MAGI2: variants seen among roughly 807,000 people sequenced by gnomAD.
MAGI2 encodes the protein membrane-associated guanylate kinase, WW and PDZ domain-containing protein 2.
A neutral mutation model predicts 133.3 loss-of-function variants in MAGI2; 35 were observed. That is an observed-to-expected ratio of 0.26 (90% CI 0.20 to 0.35). The LOEUF is 0.35. Ranked by LOEUF, MAGI2 falls within the 10% of genes least tolerant of loss-of-function variation. The pLI is 1.00. For synonymous variants in MAGI2, 729 were observed against 710.6 expected, an observed-to-expected ratio of 1.03 and a Z score of -0.41; for missense variants, 1,636 against 1,863.4, an observed-to-expected ratio of 0.88 and a Z score of 2.25.
chr7:78,424,772 G>T (rs1799131684), intron 6 of MAGI2, among the ~76,000 whole-genome samples: 1 of 152,176 alleles, frequency 6.6e-6, no homozygotes, highest in Admixed American at 6.5e-5. Flanking sequence ...CTTGCATGGG[G>T]TCTGTAGCCC....
At chr7:78,838,589 T>C (rs2151457995) in intron 2 of MAGI2, among the ~76,000 whole-genome samples, 1 of 151,874 alleles carries the variant, frequency 6.6e-6, no homozygotes, top group East Asian at 1.9e-4. Flanking sequence ...GTCAGAATAA[T>C]AGGAAATTCT....
chr7:78,872,653 C>G (rs1247831975), intron 2 of MAGI2, among the ~76,000 whole-genome samples: 2 of 151,214 alleles, frequency 1.3e-5, no homozygotes, highest in African/African-American at 4.9e-5. Flanking sequence ...TCAGAAGTAA[C>G]TGATCAACAG....
chr7:78,135,617 C>T (rs973605304), intron 16 of MAGI2, among the ~76,000 whole-genome samples: 7 of 152,150 alleles, frequency 4.6e-5, no homozygotes, highest in African/African-American at 1.7e-4. Flanking sequence ...GAACTTTGTG[C>T]CCCATGAGCT....
At chr7:78,103,403 T>C (rs1468920251) in intron 20 of MAGI2, among the ~76,000 whole-genome samples, 1 of 152,262 alleles carries the variant, frequency 6.6e-6, no homozygotes, top group African/African-American at 2.4e-5. Flanking sequence ...AGTCATTTTA[T>C]CATAATTAAT....
intron 1 of MAGI2, among the ~76,000 whole-genome samples, chr7:79,266,935 G>C (rs1427732098): frequency 6.6e-6 from 1 of 152,084 alleles, no homozygotes. Flanking sequence ...GGAAAATGAG[G>C]TCTATCACAT....
chr7:78,041,682 A>G (rs1396170538), intron 21 of MAGI2, among the ~76,000 whole-genome samples: 1 of 152,196 alleles, frequency 6.6e-6, no homozygotes, highest in Non-Finnish European at 1.5e-5. Context: ...TTCAAAAACA[A>G]AAAGCAAAAC....
chr7:79,309,358 T>G (rs926266806), intron 1 of MAGI2, among the ~76,000 whole-genome samples: 1 of 150,964 alleles, frequency 6.6e-6, no homozygotes, highest in Non-Finnish European at 1.5e-5. Flanking sequence ...TTGGCTACAC[T>G]TTCCTTAAAT....
intron 9 of MAGI2, among the ~76,000 whole-genome samples, chr7:78,265,904 C>T (rs866607438): frequency 2.6e-5 from 4 of 152,192 alleles, no homozygotes; most frequent in Admixed American, 6.5e-5. Flanking sequence ...AGCTATCAAA[C>T]CTCCCCTGAA....
At chr7:78,501,285 C>G (rs572835226) in intron 5 of MAGI2, among the ~76,000 whole-genome samples, 2 of 152,130 alleles carry the variant, frequency 1.3e-5, no homozygotes, top group South Asian at 4.1e-4. Context: ...CTCATGATAT[C>G]TAGACTATTC....
chr7:78,228,292 T>C (rs1789610592), intron 10 of MAGI2, among the ~76,000 whole-genome samples: 1 of 152,208 alleles, frequency 6.6e-6, no homozygotes, highest in East Asian at 1.9e-4. Flanking sequence ...TTGCGGTCCC[T>C]AAACCATCTG....
chr7:78,435,582 C>G (rs1800208078), intron 6 of MAGI2, among the ~76,000 whole-genome samples: 1 of 152,120 alleles, frequency 6.6e-6, no homozygotes, highest in African/African-American at 2.4e-5. Flanking sequence ...AAGCTGAGAA[C>G]TGCAAGCAGA....
chr7:78,179,016 GT>G (rs1826936575), intron 13 of MAGI2, among the ~76,000 whole-genome samples: 2 of 152,314 alleles, frequency 1.3e-5, no homozygotes, highest in South Asian at 4.1e-4. Flanking sequence ...TGCTTAGCCT[GT>G]CCCCTTGCCC....
chr7:79,212,923 T>A (rs1829624822), intron 1 of MAGI2, among the ~76,000 whole-genome samples: 1 of 152,042 alleles, frequency 6.6e-6, no homozygotes, highest in South Asian at 2.1e-4. Context: ...TGTTCTTCCA[T>A]GTGATTTTCA....
At chr7:79,434,266 G>A (rs1382068342) in intron 1 of MAGI2, among the ~76,000 whole-genome samples, 2 of 152,030 alleles carry the variant, frequency 1.3e-5, no homozygotes, top group Non-Finnish European at 2.9e-5. Context: ...ATGAGATGTC[G>A]ATGAGTAATT....
chr7:78,238,762 A>G (rs1790824195), intron 10 of MAGI2, among the ~76,000 whole-genome samples: 1 of 152,110 alleles, frequency 6.6e-6, no homozygotes, highest in South Asian at 2.1e-4. Flanking sequence ...TCAACACAGC[A>G]GCTAGCACGA....
intron 6 of MAGI2, among the ~76,000 whole-genome samples, chr7:78,466,941 G>C (rs1790696523): frequency 6.6e-6 from 1 of 152,020 alleles, no homozygotes; most frequent in South Asian, 2.1e-4. Context: ...AAAATTAATG[G>C]GTATCTGTCC....
intron 1 of MAGI2, among the ~76,000 whole-genome samples, chr7:79,045,440 G>T (rs1300270019): frequency 1.3e-5 from 2 of 152,108 alleles, no homozygotes; most frequent in East Asian, 3.8e-4. Context: ...ATAAATGAAG[G>T]TACATGGTAT....
intron 5 of MAGI2, among the ~76,000 whole-genome samples, chr7:78,497,773 T>TGTC (rs1794259068): frequency 3.3e-5 from 5 of 151,666 alleles, no homozygotes; most frequent in South Asian, 2.1e-4. Context: ...TCTTTCTATC[T>TGTC]TATACACAGA....
chr7:79,309,985 A>G (rs12672514), intron 1 of MAGI2, among the ~76,000 whole-genome samples: 1 of 146,080 alleles, frequency 6.8e-6, no homozygotes, highest in African/African-American at 2.5e-5. Context: ...AAAAAAAAAG[A>G]AAAGAAAAGA....
Sources: gnomAD v4.1 joint callset for allele counts (sites outside exome capture counted in the v4.1 genomes callset) on GRCh38, gnomAD v4.1.1 for gene constraint, MANE v1.5 for transcripts, NCBI Gene and HGNC (gene_info 2026-07-23, HGNC 2026-07-21) for gene names.